CASD1: variants seen among roughly 807,000 people sequenced by gnomAD.
CASD1 encodes CAS1 domain sialic acid O acetyltransferase 1, also known as N-acetylneuraminate (7)9-O-acetyltransferase.
CASD1 carries 41 observed loss-of-function variants against 100.0 expected under a neutral mutation model. The ratio of observed to expected loss-of-function variants is 0.41; its 90% CI spans 0.32 to 0.53. CASD1 has a LOEUF of 0.53. CASD1 is among the 20% of genes least tolerant of loss of function. The pLI, the probability that CASD1 is intolerant of heterozygous loss-of-function variation, is 0.25. For missense variants in CASD1, 774 were observed against 948.7 expected (o/e 0.82, Z 2.42); for synonymous variants, 321 against 315.6 (o/e 1.02, Z -0.18).
chr7:94,613,837 C>A, the CASD1 span, among the ~76,000 whole-genome samples: 10 of 152,004 alleles, frequency 6.6e-5, no homozygotes, highest in Non-Finnish European at 1.3e-4. Flanking sequence ...AAATGTTGAG[C>A]ACTCAAAAGC....
chr7:94,553,115 C>A, intron 16 of CASD1: 1 of 468,552 alleles, frequency 2.1e-6, no homozygotes, highest in Non-Finnish European at 4.2e-6. Flanking sequence ...TGTTTAAAGC[C>A]TTTGTTTAGG....
chr7:94,511,767 A>AT (rs1180174872), intron 1 of CASD1, among the ~76,000 whole-genome samples: 1 of 152,134 alleles, frequency 6.6e-6, no homozygotes, highest in South Asian at 2.1e-4. Flanking sequence ...CCTTCCTTTT[A>AT]TTTTTTTGTG....
chr7:94,611,676 AT>A, the CASD1 span, among the ~76,000 whole-genome samples: 57 of 152,300 alleles, frequency 3.7e-4, no homozygotes, highest in African/African-American at 1.3e-3. Context: ...TAAAGCTGTT[AT>A]TTTTTTAAAA....
rs368455231 is a variant in CASD1, at chr7:94,547,102, G to T, written c.1640G>T (p.Cys547Phe). 4.4e-6 allele frequency: 7 copies of T among 1,580,410 alleles called. No individual in the cohort carries two copies. The highest frequency in any genetic ancestry group is 6.0e-6 in the Non-Finnish European group (7 of 1,162,344). The change falls in exon 13 of 18, where the codon TGT (cysteine) becomes TTT (phenylalanine). Residue 547 changes from cysteine (C) to phenylalanine (F), a missense_variant. Cys to Phe is a radical substitution (Grantham distance 205). Transcript: ENST00000297273. Reference sequence around the variant, plus strand: ...TAAATATTTTCTCTCTTAGGAAATTGTTTCTGGCATTTTGGCTTACTGTTG... The same window carrying T: ...TAAATATTTTCTCTCTTAGGAAATTTTTTCTGGCATTTTGGCTTACTGTTG... Reference protein sequence around the residue: ...QIIQKKANGNCFWHFGLLLKL... With the variant: ...QIIQKKANGNFFWHFGLLLKL...
At chr7:94,593,628 A>G in the CASD1 span, among the ~76,000 whole-genome samples, 1 of 152,018 alleles carries the variant, frequency 6.6e-6, no homozygotes, top group Non-Finnish European at 1.5e-5. Context: ...TTTTCTGATT[A>G]GCTCTCATCT....
chr7:94,540,132 C>T (rs1214477987), intron 10 of CASD1, among the ~76,000 whole-genome samples: 1 of 152,170 alleles, frequency 6.6e-6, no homozygotes, highest in Non-Finnish European at 1.5e-5. Context: ...AGCTACATTA[C>T]AGTTACAACA....
chr7:94,565,648 G>A, the CASD1 span, among the ~76,000 whole-genome samples: 2 of 152,096 alleles, frequency 1.3e-5, no homozygotes, highest in Non-Finnish European at 2.9e-5. Context: ...GGAAATTTCA[G>A]CAATTAAGCT....
Position 94,547,297 on chromosome 7 carries a change from G to A in CASD1, c.1713+122G>A, listed in dbSNP as rs1394406414. On this transcript the variant is annotated intron_variant, in intron 13 of 17. Transcript: ENST00000297273. ...TCATTTTTTAATGACTGTAATAAAAGTGTCACTCTGAAGCTGAGTACTCAG... is the reference window on the plus strand; with the variant it reads ...TCATTTTTTAATGACTGTAATAAAAATGTCACTCTGAAGCTGAGTACTCAG... The A allele has an allele frequency of 1.3e-5, 8 of 601,112 alleles. No individual in the cohort carries two copies. The East Asian group carries it at 2.1e-4, about 16-fold the overall frequency. 37.2% of individuals were successfully genotyped at this position (601,112 alleles called of 1,614,324 possible).
chr7:94,522,401 G>A (rs1794326577), intron 3 of CASD1, among the ~76,000 whole-genome samples: 1 of 152,100 alleles, frequency 6.6e-6, no homozygotes, highest in Non-Finnish European at 1.5e-5. Context: ...AAACTTGTAG[G>A]CATCTAATAA....
At chr7:94,563,093 T>C in the CASD1 span, among the ~76,000 whole-genome samples, 1 of 152,146 alleles carries the variant, frequency 6.6e-6, no homozygotes, top group East Asian at 1.9e-4. Context: ...GTATCACCTT[T>C]AGGGGGGTTC....
chr7:94,611,013 G>A, the CASD1 span, among the ~76,000 whole-genome samples: 1 of 152,200 alleles, frequency 6.6e-6, no homozygotes, highest in Non-Finnish European at 1.5e-5. Context: ...TGCTGGTGAA[G>A]ATATGGAAAA....
At chr7:94,596,729 T>G in the CASD1 span, among the ~76,000 whole-genome samples, 1 of 152,312 alleles carries the variant, frequency 6.6e-6, no homozygotes. Flanking sequence ...CTAAGTATAC[T>G]GAATTCATCA....
At chr7:94,614,658 A>T in the CASD1 span, among the ~76,000 whole-genome samples, 5 of 152,172 alleles carry the variant, frequency 3.3e-5, no homozygotes, top group Admixed American at 2.0e-4. Context: ...CAGCTCCTCT[A>T]TAAACCTTTT....
the CASD1 span, chr7:94,625,650 G>A: frequency 6.6e-6 from 1 of 152,172 alleles, no homozygotes; most frequent in African/African-American, 2.4e-5. Flanking sequence ...AACTATTACA[G>A]GTGGTCTTCT....
chr7:94,619,977 T>C, the CASD1 span: 5 of 152,268 alleles, frequency 3.3e-5, no homozygotes, highest in East Asian at 9.6e-4. Flanking sequence ...TATAATAATA[T>C]GAAAAGGTTG....
At chr7:94,533,159 C>A (rs773012240) in intron 5 of CASD1, 46 bp from the exon 6 acceptor site, 1 of 1,404,628 alleles carries the variant, frequency 7.1e-7, no homozygotes, top group Non-Finnish European at 1.0e-6. Flanking sequence ...TGTAGTAATT[C>A]CCTGAACTGA....
chr7:94,552,797 C>T (rs1427594125), intron 16 of CASD1, among the ~76,000 whole-genome samples: 2 of 151,864 alleles, frequency 1.3e-5, no homozygotes, highest in African/African-American at 2.4e-5. Context: ...ATTAGCTGGG[C>T]GTGGTGGCGG....
the CASD1 span, among the ~76,000 whole-genome samples, chr7:94,614,283 TGCTATTGGGTCCCCTAAAATCCCA>T: frequency 1.3e-5 from 2 of 152,154 alleles, no homozygotes; most frequent in African/African-American, 4.8e-5. Flanking sequence ...GGAAAATGGA[TGCTATTGGGTCCCCTAAAATCCCA>T]GCACCTATAT....
the CASD1 span, chr7:94,587,054 TC>T: frequency 1.0e-6 from 1 of 984,878 alleles, no homozygotes; most frequent in Non-Finnish European, 1.2e-6. Context: ...AGCAAAGCTT[TC>T]TTGACTCAAG....
Sources: gnomAD v4.1 joint callset for allele counts (sites outside exome capture counted in the v4.1 genomes callset) on GRCh38, gnomAD v4.1.1 for gene constraint, MANE v1.5 for transcripts, NCBI Gene and HGNC (gene_info 2026-07-23, HGNC 2026-07-21) for gene names.